NELL1: variants seen among roughly 807,000 people sequenced by gnomAD.
NELL1 encodes protein kinase C-binding protein NELL1.
Under a neutral mutation model 107.4 loss-of-function variants are expected in NELL1, and 76 were observed. That is an observed-to-expected ratio of 0.71 (90% confidence interval 0.59 to 0.86). The LOEUF is 0.86. NELL1 is among the 40% of genes least tolerant of loss of function. NELL1 has a pLI of 0.00. For synonymous variants in NELL1, 353 were observed against 341.2 expected, an observed-to-expected ratio of 1.03 and a Z score of -0.38; for missense variants, 1,024 against 1,005.5, an observed-to-expected ratio of 1.02 and a Z score of -0.25.
At chr11:21,327,710 G>T (rs1850177653) in intron 14 of NELL1, among the ~76,000 whole-genome samples, 1 of 152,136 alleles carries the variant, frequency 6.6e-6, no homozygotes, top group Non-Finnish European at 1.5e-5. Context: ...GGGAAAGTTT[G>T]GAACTTCCTA....
chr11:20,971,824 C>T (rs1254790393), intron 12 of NELL1, among the ~76,000 whole-genome samples: 1 of 152,068 alleles, frequency 6.6e-6, no homozygotes, highest in Non-Finnish European at 1.5e-5. Flanking sequence ...GCACATATAG[C>T]CCATGGAATA....
chr11:21,471,826 TATGCATACATGC>T (rs1854191299), intron 15 of NELL1, among the ~76,000 whole-genome samples: 1 of 152,102 alleles, frequency 6.6e-6, no homozygotes, highest in Admixed American at 6.6e-5. Context: ...ACATGCTTAT[TATGCATACATGC>T]ATGCATACAC....
At chr11:20,899,706 C>T (rs1253029136) in intron 5 of NELL1, among the ~76,000 whole-genome samples, 1 of 151,796 alleles carries the variant, frequency 6.6e-6, no homozygotes, top group African/African-American at 2.4e-5. Context: ...TGAAAATACA[C>T]TGGGAAGTTT....
At chr11:21,199,585 A>G (rs16907662) in intron 13 of NELL1, among the ~76,000 whole-genome samples, 2,353 of 152,214 alleles carry the variant, frequency 0.015, 49 homozygotes, top group African/African-American at 0.054. Flanking sequence ...AGTTAGAAAA[A>G]AGCTATCAAT....
At chr11:21,506,725 A>G (rs1359576588) in intron 15 of NELL1, among the ~76,000 whole-genome samples, 1 of 152,232 alleles carries the variant, frequency 6.6e-6, no homozygotes, top group East Asian at 1.9e-4. Context: ...GAGAGCTATT[A>G]GGCCCACTCT....
At chr11:21,085,470 A>G (rs551441713) in intron 12 of NELL1, among the ~76,000 whole-genome samples, 1 of 152,270 alleles carries the variant, frequency 6.6e-6, no homozygotes, top group East Asian at 1.9e-4. Context: ...CCACCTCTAC[A>G]GAAAAATCTT....
intron 14 of NELL1, among the ~76,000 whole-genome samples, chr11:21,347,384 C>T (rs890895335): frequency 6.6e-6 from 1 of 152,096 alleles, no homozygotes; most frequent in Non-Finnish European, 1.5e-5. Flanking sequence ...AGGTGGATCA[C>T]CTGAGGTCGG....
intron 15 of NELL1, among the ~76,000 whole-genome samples, chr11:21,404,954 AT>A (rs1388831428): frequency 6.6e-6 from 1 of 152,026 alleles, no homozygotes; most frequent in Non-Finnish European, 1.5e-5. Flanking sequence ...CAGATTACCT[AT>A]TCTAGGTCCT....
chr11:21,004,073 C>T (rs1018929166), intron 12 of NELL1, among the ~76,000 whole-genome samples: 6 of 152,114 alleles, frequency 3.9e-5, no homozygotes, highest in African/African-American at 1.4e-4. Flanking sequence ...GCCCTTTGAT[C>T]CATCTTGCAG....
chr11:21,560,759 A>G (rs891262950), intron 17 of NELL1, among the ~76,000 whole-genome samples: 1 of 152,114 alleles, frequency 6.6e-6, no homozygotes, highest in Non-Finnish European at 1.5e-5. Flanking sequence ...TGCCTAAAAT[A>G]ACCACCTGCA....
intron 16 of NELL1, among the ~76,000 whole-genome samples, chr11:21,550,243 C>G (rs1025099814): frequency 1.3e-5 from 2 of 151,938 alleles, no homozygotes; most frequent in African/African-American, 2.4e-5. Context: ...GATATTAGCC[C>G]TTTGTCAGAT....
At position 21,427,819 on chromosome 11, in the gene NELL1, C is replaced by T. The variant is rs558385887; in HGVS notation, c.1645+56871C>T. Reference sequence around the variant, plus strand: ...TAGGTCAGTTTCTGACTACTGATCTCAGCCACTCCTAACCTAATAGACTTT... The same window carrying T: ...TAGGTCAGTTTCTGACTACTGATCTTAGCCACTCCTAACCTAATAGACTTT... On this transcript the variant is annotated intron_variant, in intron 15 of 19. Coordinates refer to ENST00000357134, the MANE Select transcript of NELL1 (RefSeq NM_006157.5). 8.5e-5 allele frequency among the ~76,000 whole-genome samples: 13 copies of T among 152,322 alleles called. No homozygotes were observed. The South Asian group carries it at 2.3e-3, about 27-fold the overall frequency.
intron 13 of NELL1, among the ~76,000 whole-genome samples, chr11:21,209,139 A>G (rs1857447334): frequency 6.6e-6 from 1 of 152,018 alleles, no homozygotes. Flanking sequence ...TTAGATTTAT[A>G]TTTATTTTGA....
intron 15 of NELL1, among the ~76,000 whole-genome samples, chr11:21,411,233 A>G (rs984669454): frequency 2.6e-5 from 4 of 152,074 alleles, no homozygotes; most frequent in Non-Finnish European, 4.4e-5. Flanking sequence ...ATTCAAGAAA[A>G]AGGAAGTGTT....
At chr11:21,231,889 G>A (rs996038435) in intron 14 of NELL1, among the ~76,000 whole-genome samples, 11 of 152,074 alleles carry the variant, frequency 7.2e-5, no homozygotes, top group African/African-American at 2.4e-4. Flanking sequence ...GGAAAGCAAT[G>A]TGGTATAGTT....
At position 20,847,675 on chromosome 11, in the gene NELL1, G is replaced by A. The variant is rs772357355; in HGVS notation, c.428G>A (p.Arg143His). 1.1e-5 allele frequency: 18 copies of A among 1,613,602 alleles called. No homozygotes were observed. Among genetic ancestry groups the A allele is most frequent in the East Asian group, 1.1e-4 (5 of 44,868 alleles). Residue 143 changes from arginine (R) to histidine (H), a missense_variant, in exon 4 of 20, where the codon CGC becomes CAC. Transcript: ENST00000357134. ...CCAAGGACAGAGGCACTTCCTTACC[G>A]CATGGCAGATGGACAATGGCACAAG... The part of the protein sequence containing the change: ...GKPRTEALPY[R>H]MADGQWHKVA...
intron 4 of NELL1, among the ~76,000 whole-genome samples, chr11:20,862,314 T>G (rs747698620): frequency 6.6e-6 from 1 of 152,132 alleles, no homozygotes; most frequent in African/African-American, 2.4e-5. Context: ...ATTTTAGTTC[T>G]GTTTTGGCAT....
intron 14 of NELL1, among the ~76,000 whole-genome samples, chr11:21,257,589 G>A (rs1858801665): frequency 6.6e-6 from 1 of 152,000 alleles, no homozygotes; most frequent in Non-Finnish European, 1.5e-5. Flanking sequence ...ATTTGGAGGG[G>A]AAGTAAAGGT....
intron 15 of NELL1, among the ~76,000 whole-genome samples, chr11:21,381,904 A>ATTTTTTTTTTTTTTTT (rs149327802): frequency 5.5e-5 from 5 of 91,376 alleles, no homozygotes; most frequent in South Asian, 7.8e-4. Flanking sequence ...CCTGGAAGGG[A>ATTTTTTTTTTTTTTTT]TTTTTTTTTT....
Sources: gnomAD v4.1 joint callset for allele counts (sites outside exome capture counted in the v4.1 genomes callset) on GRCh38, gnomAD v4.1.1 for gene constraint, MANE v1.5 for transcripts, NCBI Gene and HGNC (gene_info 2026-07-23, HGNC 2026-07-21) for gene names.